The following DISC1 variants were observed in gnomAD, a reference collection of about 807,000 sequenced individuals.
The protein encoded by DISC1 is DISC1 scaffold protein, also known as disrupted in schizophrenia 1 protein.
DISC1 carries 57 observed loss-of-function variants against 84.5 expected under a neutral mutation model. The ratio of observed to expected loss-of-function variants is 0.67; its 90% CI spans 0.55 to 0.84. The LOEUF is 0.84. Ranked by LOEUF, DISC1 falls within the 40% of genes least tolerant of loss-of-function variation. DISC1 has a pLI of 0.00. For missense variants in DISC1, 1,000 were observed against 1,057.8 expected, an observed-to-expected ratio of 0.95 and a Z score of 0.76; for synonymous variants, 411 against 415.2, an observed-to-expected ratio of 0.99 and a Z score of 0.12.
intron 1 of DISC1, among the ~76,000 whole-genome samples, chr1:231,667,651 T>C (rs2062142342): frequency 6.6e-6 from 1 of 152,184 alleles, no homozygotes; most frequent in Non-Finnish European, 1.5e-5. Context: ...TCTGAGATTG[T>C]TGGTGTTGGA....
intron 9 of DISC1, among the ~76,000 whole-genome samples, chr1:231,820,836 T>C (rs901387078): frequency 6.6e-6 from 1 of 152,240 alleles, no homozygotes; most frequent in African/African-American, 2.4e-5. Context: ...GGCTGGGAGC[T>C]GTCCTTACCC....
chr1:231,626,878 G>A lies in DISC1; in HGVS notation c.11G>A (p.Gly4Glu). The change falls in exon 1 of 13, where the codon GGG becomes GAG. Residue 4 changes from glycine to glutamate, a missense_variant. By Grantham distance (98) the Gly-to-Glu change is moderately conservative. Coordinates refer to ENST00000439617, the MANE Select transcript of DISC1 (RefSeq NM_018662.3). MPG[G>E]GPQGAPAAAG... ...CTGGCAGCGGGGCGCATGCCAGGCG[G>A]GGGTCCTCAGGGCGCCCCAGCCGCC... 1 of 1,483,128 alleles carries A rather than the reference G, an allele frequency of 6.7e-7. No homozygotes were observed. The highest frequency in any genetic ancestry group is 8.9e-7 in the Non-Finnish European group (1 of 1,127,314). 91.9% of individuals were successfully genotyped at this position (1,483,128 alleles called of 1,614,324 possible).
chr1:231,853,815 G>A (rs1027469482), intron 9 of DISC1, among the ~76,000 whole-genome samples: 10 of 152,310 alleles, frequency 6.6e-5, no homozygotes, highest in Admixed American at 4.6e-4. Context: ...GCCTTGTCCT[G>A]GCTCGCTGCA....
chr1:231,629,959 G>A (rs2058572896), intron 1 of DISC1, among the ~76,000 whole-genome samples: 1 of 152,178 alleles, frequency 6.6e-6, no homozygotes, highest in Non-Finnish European at 1.5e-5. Flanking sequence ...TTGAGACGGA[G>A]TCTCGTTCTG....
chr1:231,662,947 C>G (rs921824871), intron 1 of DISC1, among the ~76,000 whole-genome samples: 4 of 151,964 alleles, frequency 2.6e-5, no homozygotes, highest in African/African-American at 4.8e-5. Context: ...AAAGTAAGTC[C>G]TTCCATATTA....
chr1:231,937,427 G>A (rs569082493), intron 9 of DISC1, among the ~76,000 whole-genome samples: 2 of 152,346 alleles, frequency 1.3e-5, no homozygotes, highest in Admixed American at 1.3e-4. Flanking sequence ...GATCTCAGGG[G>A]ATTTAGTAGG....
intron 9 of DISC1, among the ~76,000 whole-genome samples, chr1:231,878,595 G>A (rs1158019582): frequency 6.6e-6 from 1 of 152,150 alleles, no homozygotes; most frequent in Non-Finnish European, 1.5e-5. Context: ...TATATAAAGG[G>A]CAATGGAAAG....
chr1:231,693,851 A>G lies in DISC1; in HGVS notation c.93A>G (p.Ala31=). The part of the protein sequence containing the change: ...RAGSRDCLPP[A]ACFRRRRLAR... Reference sequence around the variant, plus strand: ...GCAGCCGGGATTGCTTACCACCTGCAGCGTGCTTTCGGAGGCGGCGGCTGG... The same window carrying G: ...GCAGCCGGGATTGCTTACCACCTGCGGCGTGCTTTCGGAGGCGGCGGCTGG... The change falls in exon 2 of 13, where the codon GCA becomes GCG. Residue 31 remains alanine (A), a synonymous_variant. Coordinates refer to ENST00000439617, the MANE Select transcript of DISC1 (RefSeq NM_018662.3). 6.2e-7 allele frequency: 1 copy of G among 1,613,890 alleles called. No individual in the cohort carries two copies. The highest frequency in any genetic ancestry group is 8.5e-7 in the Non-Finnish European group (1 of 1,180,026).
chr1:231,683,726 G>C (rs1486364653), intron 1 of DISC1, among the ~76,000 whole-genome samples: 4 of 151,396 alleles, frequency 2.6e-5, no homozygotes, highest in South Asian at 4.2e-4. Flanking sequence ...AACCCTCCTG[G>C]CTTTCCCACT....
At chr1:231,848,932 A>C (rs949483135) in intron 9 of DISC1, among the ~76,000 whole-genome samples, 1 of 152,132 alleles carries the variant, frequency 6.6e-6, no homozygotes, top group African/African-American at 2.4e-5. Flanking sequence ...AAATGTTTGC[A>C]GTGAAACAAC....
In DISC1 at chr1:232,031,148, GGA is replaced by G. The variant is rs143647961; in HGVS notation, c.2425+4611_2425+4612del. Among the ~76,000 whole-genome samples the G allele has an allele frequency of 3.5e-5, 5 of 144,206 alleles. No homozygotes were observed. Among genetic ancestry groups the G allele is most frequent in the African/African-American group, 5.2e-5 (2 of 38,198 alleles). 94.6% of individuals were successfully genotyped at this position (144,206 alleles called of 152,430 possible). A position where few individuals can be genotyped will look rare whatever the true frequency, so the allele number is the denominator to read the frequency against. ...AAGGAAGGAAGGAAGGAGGGAGAGA[GGA>G]GAGAGAGAGAGAGAACAGGAAGGAA... On this transcript the variant is annotated intron_variant, in intron 12 of 12. Coordinates refer to ENST00000439617, the MANE Select transcript of DISC1 (RefSeq NM_018662.3). This position sits in a 1 kb window ranked among gnomAD's most constrained non-coding sequence, Gnocchi z 4.6.
intron 6 of DISC1, among the ~76,000 whole-genome samples, chr1:231,785,257 TTTTA>T (rs71573142): frequency 0.34 from 36,027 of 104,620 alleles, 4,914 homozygotes; most frequent in Middle Eastern, 0.41. Context: ...GTGTGTGTTA[TTTTA>T]TTTATTTATT....
chr1:231,833,583 T>C lies in DISC1; in HGVS notation c.1981+15066T>C, dbSNP rs143231303. Among the ~76,000 whole-genome samples the C allele has an allele frequency of 3.7e-3, 559 of 151,348 alleles. 13 individuals carry two copies. The highest frequency in any genetic ancestry group is 0.031 in the Admixed American group (469 of 15,264). ...GTGAGTTGAACAGTCCGATTTTCAG[T>C]GGAGTCCCGCACAGATGAGACGCGG... On this transcript the variant is annotated intron_variant, in intron 9 of 12. Coordinates refer to ENST00000439617, the MANE Select transcript of DISC1 (RefSeq NM_018662.3).
chr1:231,855,236 G>A, intron 9 of DISC1: 1 of 978,308 alleles, frequency 1.0e-6, no homozygotes, highest in Non-Finnish European at 1.2e-6. Context: ...ACTTTACACT[G>A]TACTGTAAAG....
At chr1:231,842,609 T>A (rs181409331) in intron 9 of DISC1, among the ~76,000 whole-genome samples, 346 of 152,292 alleles carry the variant, frequency 2.3e-3, no homozygotes, top group Non-Finnish European at 2.7e-3. Context: ...CTAGGAGTGA[T>A]GAGCTGATTT....
intron 3 of DISC1, among the ~76,000 whole-genome samples, chr1:231,714,863 C>T (rs1324616852): frequency 6.6e-6 from 1 of 152,190 alleles, no homozygotes; most frequent in Non-Finnish European, 1.5e-5. Flanking sequence ...ACTTCCACCA[C>T]ATGGATTCAT....
At chr1:231,650,259 T>G (rs1011547718) in intron 1 of DISC1, among the ~76,000 whole-genome samples, 8 of 152,178 alleles carry the variant, frequency 5.3e-5, no homozygotes, top group African/African-American at 1.9e-4. Context: ...GCAGACCTAG[T>G]GGTAACAAAA....
At chr1:231,975,280 C>T (rs1389997588) in intron 10 of DISC1, among the ~76,000 whole-genome samples, 1 of 152,000 alleles carries the variant, frequency 6.6e-6, no homozygotes, top group East Asian at 1.9e-4. Flanking sequence ...TCATTGTACC[C>T]CAGTCAGAAT....
At chr1:231,992,239 T>G (rs1341552) in intron 10 of DISC1, among the ~76,000 whole-genome samples, 1 of 152,178 alleles carries the variant, frequency 6.6e-6, no homozygotes, top group Non-Finnish European at 1.5e-5. Context: ...CAGCAAACTA[T>G]ACAACTCTCA....
Sources: gnomAD v4.1 joint callset for allele counts (sites outside exome capture counted in the v4.1 genomes callset) on GRCh38, gnomAD v4.1.1 for gene constraint, Gnocchi (gnomAD v3.1) non-coding constraint, MANE v1.5 for transcripts, NCBI Gene and HGNC (gene_info 2026-07-23, HGNC 2026-07-21) for gene names.